The following CIMAP3 variants were observed in gnomAD, a reference collection of about 807,000 sequenced individuals.
CIMAP3 encodes the protein ciliary microtubule-associated protein 3.
chr1:111,325,641 A>C, the CIMAP3 span, among the ~76,000 whole-genome samples: 1 of 152,192 alleles, frequency 6.6e-6, no homozygotes, highest in Non-Finnish European at 1.5e-5. Flanking sequence ...ACAACTTGGT[A>C]TAATGCCCTA....
chr1:111,337,307 A>G, the CIMAP3 span, among the ~76,000 whole-genome samples: 2 of 152,254 alleles, frequency 1.3e-5, no homozygotes, highest in Non-Finnish European at 2.9e-5. Context: ...CAAAATAGCC[A>G]GCTAACATCA....
At chr1:111,349,907 G>GT in the CIMAP3 span, 1 of 514,610 alleles carries the variant, frequency 1.9e-6, no homozygotes, top group Non-Finnish European at 3.5e-6. Context: ...TGTCAAGATT[G>GT]TCAAGTTAGA....
chr1:111,332,165 TG>T, the CIMAP3 span, among the ~76,000 whole-genome samples: 1 of 152,214 alleles, frequency 6.6e-6, no homozygotes, highest in Non-Finnish European at 1.5e-5. Context: ...GCTAGTAGAA[TG>T]GGCATGTGGT....
chr1:111,336,630 A>G, the CIMAP3 span, among the ~76,000 whole-genome samples: 1 of 152,218 alleles, frequency 6.6e-6, no homozygotes, highest in South Asian at 2.1e-4. Flanking sequence ...AAATGAAGTG[A>G]GAAGGGACGT....
chr1:111,335,975 C>G, the CIMAP3 span, among the ~76,000 whole-genome samples: 1 of 152,252 alleles, frequency 6.6e-6, no homozygotes, highest in Non-Finnish European at 1.5e-5. Context: ...CTGACACTTA[C>G]ACGGCCGGGT....
At chr1:111,347,419 T>C in the CIMAP3 span, among the ~76,000 whole-genome samples, 2 of 152,138 alleles carry the variant, frequency 1.3e-5, no homozygotes, top group African/African-American at 4.8e-5. Flanking sequence ...TTTGAATATA[T>C]GGCAATGTCC....
chr1:111,333,443 G>T, the CIMAP3 span, among the ~76,000 whole-genome samples: 1 of 152,168 alleles, frequency 6.6e-6, no homozygotes, highest in East Asian at 1.9e-4. Context: ...CTGATAGAGG[G>T]GTGAGGTGTA....
chr1:111,336,427 G>A, the CIMAP3 span, among the ~76,000 whole-genome samples: 1 of 152,042 alleles, frequency 6.6e-6, no homozygotes, highest in Non-Finnish European at 1.5e-5. Flanking sequence ...TCAAACCAAA[G>A]GCAAAGAAGT....
chr1:111,347,711 C>T, the CIMAP3 span: 1 of 1,611,478 alleles, frequency 6.2e-7, no homozygotes, highest in South Asian at 1.1e-5. Context: ...AAGATCCCAA[C>T]CAGTATAAAA....
the CIMAP3 span, among the ~76,000 whole-genome samples, chr1:111,343,848 T>A: frequency 2.6e-5 from 4 of 152,232 alleles, no homozygotes; most frequent in Non-Finnish European, 5.9e-5. Context: ...TATACTGGGA[T>A]CTTTATTGAC....
At chr1:111,339,885 C>G in the CIMAP3 span, among the ~76,000 whole-genome samples, 1 of 151,672 alleles carries the variant, frequency 6.6e-6, no homozygotes, top group Non-Finnish European at 1.5e-5. Flanking sequence ...CAAAAAAGAG[C>G]CCGCATCGCC....
the CIMAP3 span, among the ~76,000 whole-genome samples, chr1:111,329,516 C>CAT: frequency 0.034 from 3,559 of 104,788 alleles, 71 homozygotes; most frequent in Non-Finnish European, 0.048. Context: ...CACATAAACC[C>CAT]ATATATATAT....
chr1:111,349,493 T>C, the CIMAP3 span: 2 of 152,396 alleles, frequency 1.3e-5, no homozygotes, highest in Non-Finnish European at 2.9e-5. Flanking sequence ...TCAAGGACTT[T>C]CTTTTATTGA....
chr1:111,338,049 A>G, the CIMAP3 span, among the ~76,000 whole-genome samples: 2 of 149,710 alleles, frequency 1.3e-5, no homozygotes, highest in Non-Finnish European at 3.0e-5. Flanking sequence ...ATCTCACTCA[A>G]AGCCGCTCAA....
At chr1:111,332,112 G>C in the CIMAP3 span, among the ~76,000 whole-genome samples, 1 of 152,218 alleles carries the variant, frequency 6.6e-6, no homozygotes, top group Non-Finnish European at 1.5e-5. Context: ...GGCCAACTTG[G>C]AGTCTGGCTC....
the CIMAP3 span, among the ~76,000 whole-genome samples, chr1:111,334,602 A>T: frequency 6.6e-6 from 1 of 152,212 alleles, no homozygotes; most frequent in African/African-American, 2.4e-5. Flanking sequence ...CTGACCAAAA[A>T]TTCAAAATAG....
the CIMAP3 span, among the ~76,000 whole-genome samples, chr1:111,341,264 C>T: frequency 8.4e-3 from 1,263 of 151,078 alleles, 16 homozygotes; most frequent in African/African-American, 0.027. Context: ...TGCTAGATGA[C>T]GAGTTAGTGG....
the CIMAP3 span, among the ~76,000 whole-genome samples, chr1:111,339,612 C>T: frequency 6.6e-6 from 1 of 151,692 alleles, no homozygotes; most frequent in African/African-American, 2.4e-5. Context: ...ACAATTGCTT[C>T]AAAGAGAATA....
chr1:111,336,718 T>G, the CIMAP3 span, among the ~76,000 whole-genome samples: 1 of 152,218 alleles, frequency 6.6e-6, no homozygotes, highest in East Asian at 1.9e-4. Context: ...AATCTTCGTC[T>G]GATTGGTGTA....
Sources: gnomAD v4.1 joint callset for allele counts (sites outside exome capture counted in the v4.1 genomes callset) on GRCh38, gnomAD v4.1.1 for gene constraint, MANE v1.5 for transcripts, NCBI Gene and HGNC (gene_info 2026-07-23, HGNC 2026-07-21) for gene names.